RASGRP3: variants seen among roughly 807,000 people sequenced by gnomAD.
RASGRP3 encodes the protein ras guanyl-releasing protein 3.
A neutral mutation model predicts 82.7 loss-of-function variants in RASGRP3; 54 were observed. That is an observed-to-expected ratio of 0.65 (90% CI 0.52 to 0.82). The LOEUF (loss-of-function observed/expected upper bound fraction) is 0.82. Among genes scored for constraint, RASGRP3 ranks in the 40% least tolerant of loss-of-function variants. RASGRP3 has a pLI of 0.00. For synonymous variants in RASGRP3, 309 were observed against 300.5 expected (o/e 1.03, Z -0.29); for missense variants, 861 against 828.9 (o/e 1.04, Z -0.48).
At chr2:33,549,138 T>G (rs1321094011) in intron 13 of RASGRP3, among the ~76,000 whole-genome samples, 1 of 152,122 alleles carries the variant, frequency 6.6e-6, no homozygotes, top group African/African-American at 2.4e-5. Flanking sequence ...GCCACTAAGA[T>G]ATGAGTGAAA....
intron 1 of RASGRP3, among the ~76,000 whole-genome samples, chr2:33,446,632 C>T (rs1055445356): frequency 5.3e-5 from 8 of 151,992 alleles, no homozygotes; most frequent in Admixed American, 1.3e-4. Context: ...GTCCAGTTCT[C>T]CTTGGAGAAA....
Position 33,520,702 on chromosome 2 carries a change from G to A in RASGRP3, c.368+18G>A, listed in dbSNP as rs758683181. On this transcript the variant is annotated intron_variant, in intron 6 of 17. Coordinates refer to ENST00000403687, the MANE Select transcript of RASGRP3 (RefSeq NM_001139488.2). ...TCCAGCATGTAAGAGTGGCACCGACGTCTTTCACACCCAATAAGTCCACCA... is the reference window on the plus strand; with the variant it reads ...TCCAGCATGTAAGAGTGGCACCGACATCTTTCACACCCAATAAGTCCACCA... 1.1e-4 allele frequency: 175 copies of A among 1,613,278 alleles called. 1 individual carries two copies. Among genetic ancestry groups the A allele is most frequent in the East Asian group, 4.0e-4 (18 of 44,848 alleles).
chr2:33,463,081 G>C (rs1666473214), intron 2 of RASGRP3, among the ~76,000 whole-genome samples: 1 of 152,176 alleles, frequency 6.6e-6, no homozygotes, highest in Admixed American at 6.5e-5. Flanking sequence ...GTTTATAGGA[G>C]TGAGAGCCTC....
intron 1 of RASGRP3, among the ~76,000 whole-genome samples, chr2:33,444,348 C>T (rs969481339): frequency 6.6e-6 from 1 of 152,104 alleles, no homozygotes. Flanking sequence ...CAAATATATC[C>T]AAGATAACAT....
chr2:33,537,330 C>CAACACACA (rs149899270), intron 11 of RASGRP3, among the ~76,000 whole-genome samples: 7 of 95,690 alleles, frequency 7.3e-5, no homozygotes, highest in South Asian at 3.2e-4. Flanking sequence ...ACCGCCCCCC[C>CAACACACA]CACACACACA....
At chr2:33,551,364 T>A (rs1675340366) in intron 14 of RASGRP3, among the ~76,000 whole-genome samples, 1 of 151,988 alleles carries the variant, frequency 6.6e-6, no homozygotes, top group Non-Finnish European at 1.5e-5. Flanking sequence ...CTGATGGAAA[T>A]TTTTGGAAAT....
intron 6 of RASGRP3, among the ~76,000 whole-genome samples, chr2:33,521,316 G>C (rs1296728431): frequency 6.6e-6 from 1 of 152,206 alleles, no homozygotes; most frequent in Non-Finnish European, 1.5e-5. Flanking sequence ...GCACAGGGAA[G>C]ACTATTTGAT....
At chr2:33,460,882 A>G (rs1250072898) in intron 2 of RASGRP3, among the ~76,000 whole-genome samples, 1 of 152,206 alleles carries the variant, frequency 6.6e-6, no homozygotes, top group African/African-American at 2.4e-5. Flanking sequence ...TATAAAAGGA[A>G]ACAAGACTAT....
At chr2:33,521,920 T>C (rs753888509) in intron 6 of RASGRP3, 35 bp from the exon 7 acceptor site, 2 of 1,584,626 alleles carry the variant, frequency 1.3e-6, no homozygotes, top group South Asian at 2.4e-5. Context: ...AAATGGGCTT[T>C]CAACACATTG....
At chr2:33,492,145 T>C (rs1409605695) in intron 1 of RASGRP3, among the ~76,000 whole-genome samples, 1 of 152,216 alleles carries the variant, frequency 6.6e-6, no homozygotes, top group African/African-American at 2.4e-5. Context: ...GGTGAAGTTA[T>C]TTTTCCTCTC....
chr2:33,516,719 G>T, intron 4 of RASGRP3, 75 bp downstream of exon 4: 2 of 1,007,442 alleles, frequency 2.0e-6, no homozygotes, highest in Non-Finnish European at 3.0e-6. Flanking sequence ...TCTATCCAAA[G>T]CCAGTAAATT....
chr2:33,496,862 G>C (rs6720049), intron 1 of RASGRP3, among the ~76,000 whole-genome samples: 44,423 of 151,884 alleles, frequency 0.29, 8,482 homozygotes, highest in African/African-American at 0.54. Context: ...ATCTTAAAAA[G>C]AAAACAAAAC....
At chr2:33,530,697 T>C (rs928014545) in intron 10 of RASGRP3, among the ~76,000 whole-genome samples, 2 of 152,164 alleles carry the variant, frequency 1.3e-5, no homozygotes, top group African/African-American at 4.8e-5. Context: ...CTCTTCATGA[T>C]GTGCAGTAAA....
intron 11 of RASGRP3, among the ~76,000 whole-genome samples, chr2:33,537,315 CACACACCG>C: frequency 2.2e-5 from 1 of 46,268 alleles, no homozygotes; most frequent in Non-Finnish European, 3.9e-5. Context: ...TACACACACA[CACACACCG>C]CCCCCCCCAC....
chr2:33,545,977 T>C (rs1456149067), intron 13 of RASGRP3, among the ~76,000 whole-genome samples: 1 of 152,020 alleles, frequency 6.6e-6, no homozygotes, highest in Non-Finnish European at 1.5e-5. Context: ...AATTTTTTTT[T>C]TCTTTTTTTT....
chr2:33,545,585 C>CAT (rs1219241164), intron 13 of RASGRP3, among the ~76,000 whole-genome samples: 6 of 152,114 alleles, frequency 3.9e-5, no homozygotes, highest in Admixed American at 3.3e-4. Context: ...ATTCATTTAT[C>CAT]ATATATATAA....
intron 1 of RASGRP3, among the ~76,000 whole-genome samples, chr2:33,504,764 C>A (rs903981308): frequency 2.6e-5 from 4 of 152,162 alleles, no homozygotes; most frequent in Admixed American, 6.5e-5. Flanking sequence ...TCCCTTGGAG[C>A]CTCTTTTGTG....
At chr2:33,549,114 T>G (rs560417814) in intron 13 of RASGRP3, among the ~76,000 whole-genome samples, 12 of 152,270 alleles carry the variant, frequency 7.9e-5, no homozygotes, top group African/African-American at 2.6e-4. Flanking sequence ...CCAGTCGCAG[T>G]GAATGGGCTA....
intron 15 of RASGRP3, 115 bp downstream of exon 15, chr2:33,555,682 G>T: frequency 1.1e-6 from 1 of 913,564 alleles, no homozygotes; most frequent in African/African-American, 1.7e-5. Context: ...CAGTCTTTTG[G>T]GTCAACGGCA....
Sources: gnomAD v4.1 joint callset for allele counts (sites outside exome capture counted in the v4.1 genomes callset) on GRCh38, gnomAD v4.1.1 for gene constraint, MANE v1.5 for transcripts, NCBI Gene and HGNC (gene_info 2026-07-23, HGNC 2026-07-21) for gene names.